The following MTRF1 variants were observed in gnomAD, a reference collection of about 807,000 sequenced individuals.
MTRF1 encodes mitochondrial translation release factor 1, also known as peptide chain release factor 1, mitochondrial.
A neutral mutation model predicts 62.9 loss-of-function variants in MTRF1; 51 were observed. The ratio of observed to expected loss-of-function variants is 0.81; its 90% CI spans 0.65 to 1.02. The LOEUF is 1.02. Among genes scored for constraint, MTRF1 ranks in the 50% least tolerant of loss-of-function variants. The pLI, the probability that MTRF1 is intolerant of heterozygous loss-of-function variation, is 0.00. For missense variants in MTRF1, 446 were observed against 530.0 expected, an observed-to-expected ratio of 0.84 and a Z score of 1.56; for synonymous variants, 158 against 181.9, an observed-to-expected ratio of 0.87 and a Z score of 1.06.
intron 9 of MTRF1, among the ~76,000 whole-genome samples, chr13:41,220,822 A>G (rs2033175867): frequency 6.6e-6 from 1 of 152,168 alleles, no homozygotes; most frequent in South Asian, 2.1e-4. Context: ...TTCAGCCACC[A>G]AGAGAGAGAA....
In MTRF1 at chr13:41,216,998, G is replaced by A; in HGVS notation, c.*117C>T. ...TTAATTACAAAACATATATTTATGTGTAATGTGTTCTTAAAGCTGTAATTT... is the reference window on the plus strand; with the variant it reads ...TTAATTACAAAACATATATTTATGTATAATGTGTTCTTAAAGCTGTAATTT... On this transcript the variant is annotated 3_prime_UTR_variant, in exon 10 of 10. Coordinates refer to ENST00000379480, the MANE Select transcript of MTRF1 (RefSeq NM_004294.4). 3.7e-6 allele frequency: 2 copies of A among 539,888 alleles called. No individual in the cohort carries two copies. The highest frequency in any genetic ancestry group is 5.0e-4 in the Middle Eastern group (1 of 1,992). The allele number at this position is 539,888 out of a possible 1,614,324, so 33.4% of individuals were successfully genotyped here. A position where few individuals can be genotyped will look rare whatever the true frequency, so the allele number is the denominator to read the frequency against.
At chr13:41,264,853 G>A (rs1329744479), upstream of MTRF1, among the ~76,000 whole-genome samples, 2 of 152,102 alleles carry the variant, frequency 1.3e-5, no homozygotes, top group African/African-American at 2.4e-5. Context: ...GGGCCACCCT[G>A]CTCCAAAAAA....
rs1258870457 is a variant in MTRF1 at position 41,219,457 on chromosome 13, G to A, written c.1225-2229C>T. On this transcript the variant is annotated intron_variant, in intron 9 of 9. Transcript: ENST00000379480. ...AGATACAAAGGTCAAAGATGAATGAGTCATAGTTCCTAACTTTCAGAGGCT... is the reference window on the plus strand; with the variant it reads ...AGATACAAAGGTCAAAGATGAATGAATCATAGTTCCTAACTTTCAGAGGCT... Among the ~76,000 whole-genome samples, 3 of 152,140 alleles carry A rather than the reference G, an allele frequency of 2.0e-5. No homozygotes were observed. In the East Asian group the frequency reaches 5.8e-4, roughly 29 times the overall value.
At chr13:41,271,091 A>ACACACACACACACAC in the MTRF1 span, among the ~76,000 whole-genome samples, 5 of 137,126 alleles carry the variant, frequency 3.6e-5, no homozygotes, top group African/African-American at 1.4e-4. Context: ...ACACACACAC[A>ACACACACACACACAC]CCCCATATAG....
the MTRF1 span, among the ~76,000 whole-genome samples, chr13:41,293,835 C>T: frequency 6.6e-6 from 1 of 152,094 alleles, no homozygotes; most frequent in East Asian, 1.9e-4. Context: ...CTAATTAAAT[C>T]TGGGTCATTA....
intron 1 of MTRF1, 26 bp from the exon 2 acceptor site, chr13:41,260,941 A>AC: frequency 7.2e-7 from 1 of 1,379,506 alleles, no homozygotes; most frequent in Non-Finnish European, 9.4e-7. Flanking sequence ...CACAGTCTTT[A>AC]AAAAAAAATC....
upstream of MTRF1, among the ~76,000 whole-genome samples, chr13:41,265,911 C>T (rs1456628666): frequency 6.6e-6 from 1 of 151,990 alleles, no homozygotes; most frequent in Non-Finnish European, 1.5e-5. Flanking sequence ...GTGCAGTGGC[C>T]TGATCTTGGC....
chr13:41,255,802 A>C (rs1177960062), intron 2 of MTRF1, among the ~76,000 whole-genome samples: 1 of 152,220 alleles, frequency 6.6e-6, no homozygotes, highest in East Asian at 1.9e-4. Flanking sequence ...AGAAAGTTAA[A>C]TCATGGAACT....
chr13:41,311,510 A>C, the MTRF1 span: 23 of 1,591,390 alleles, frequency 1.4e-5, no homozygotes, highest in Non-Finnish European at 1.9e-5. Context: ...CCGGCCACCT[A>C]GCCTCCCTGC....
chr13:41,263,789 G>A (rs1326795036), upstream of MTRF1, among the ~76,000 whole-genome samples: 1 of 151,768 alleles, frequency 6.6e-6, no homozygotes, highest in Admixed American at 6.6e-5. Flanking sequence ...AGCCCAGAGC[G>A]GGGATGGAGA....
intron 7 of MTRF1, among the ~76,000 whole-genome samples, chr13:41,233,293 A>G (rs1458145312): frequency 6.6e-6 from 1 of 152,212 alleles, no homozygotes; most frequent in East Asian, 1.9e-4. Flanking sequence ...TAGAGGAAGT[A>G]GGAAGAGGGT....
At chr13:41,311,480 C>T in the MTRF1 span, 1 of 1,554,460 alleles carries the variant, frequency 6.4e-7, no homozygotes, top group Non-Finnish European at 8.7e-7. Context: ...AGCGGAGCGC[C>T]CGGGCACCTA....
chr13:41,264,142 G>A (rs1473497131), upstream of MTRF1, among the ~76,000 whole-genome samples: 2 of 152,096 alleles, frequency 1.3e-5, no homozygotes, highest in African/African-American at 2.4e-5. Context: ...AAGATTCTGC[G>A]TGTAATTTCT....
chr13:41,230,211 G>A (rs1225418085), intron 7 of MTRF1, among the ~76,000 whole-genome samples: 2 of 151,868 alleles, frequency 1.3e-5, no homozygotes, highest in East Asian at 3.9e-4. Context: ...GCCAACAATG[G>A]TTACTGGGTT....
chr13:41,261,314 A>T (rs1003841677), intron 1 of MTRF1: 3 of 156,858 alleles, frequency 1.9e-5, no homozygotes, highest in African/African-American at 7.2e-5. Context: ...AGCAAGGGGG[A>T]CAATACCAAG....
At chr13:41,285,224 GAGGA>G in the MTRF1 span, among the ~76,000 whole-genome samples, 1 of 152,184 alleles carries the variant, frequency 6.6e-6, no homozygotes, top group Non-Finnish European at 1.5e-5. Flanking sequence ...ACTCTGGTAT[GAGGA>G]GTCCTCTTCC....
chr13:41,282,357 C>T, the MTRF1 span, among the ~76,000 whole-genome samples: 83 of 152,036 alleles, frequency 5.5e-4, no homozygotes, highest in Non-Finnish European at 8.7e-4. Context: ...CTTGTGAAGC[C>T]GAGGCAGGAG....
chr13:41,253,632 C>T (rs903187609), intron 3 of MTRF1, among the ~76,000 whole-genome samples: 1 of 152,154 alleles, frequency 6.6e-6, no homozygotes, highest in African/African-American at 2.4e-5. Context: ...TTCATTATTA[C>T]TAAAAGGTTT....
At chr13:41,283,993 A>G in the MTRF1 span, among the ~76,000 whole-genome samples, 1 of 150,982 alleles carries the variant, frequency 6.6e-6, no homozygotes. Context: ...AGTTGGGTAC[A>G]ATGTCCATCC....
Sources: gnomAD v4.1 joint callset for allele counts (sites outside exome capture counted in the v4.1 genomes callset) on GRCh38, gnomAD v4.1.1 for gene constraint, MANE v1.5 for transcripts, NCBI Gene and HGNC (gene_info 2026-07-23, HGNC 2026-07-21) for gene names.